The following PPP1CB variants were observed in gnomAD, a reference collection of about 807,000 sequenced individuals.
The protein encoded by PPP1CB is protein phosphatase 1 catalytic subunit beta.
A neutral mutation model predicts 43.7 loss-of-function variants in PPP1CB; 2 were observed. The ratio of observed to expected loss-of-function variants is 0.05; its 90% CI spans 0.02 to 0.14. The LOEUF (loss-of-function observed/expected upper bound fraction) is 0.14. PPP1CB is among the 10% of genes least tolerant of loss of function. PPP1CB has a pLI of 1.00. For missense variants in PPP1CB, 84 were observed against 398.0 expected (o/e 0.21, Z 6.71); for synonymous variants, 136 against 135.6 (o/e 1.00, Z -0.02).
intron 2 of PPP1CB, 103 bp downstream of exon 2, chr2:28,777,085 G>C (rs1457310199): frequency 9.9e-6 from 12 of 1,207,210 alleles, no homozygotes; most frequent in Non-Finnish European, 1.4e-5. Flanking sequence ...GTATAAAACA[G>C]ATCAGTAGGC....
At chr2:28,777,032 C>G (rs760381487) in intron 2 of PPP1CB, 50 bp downstream of exon 2, 11 of 1,579,664 alleles carry the variant, frequency 7.0e-6, no homozygotes, top group Non-Finnish European at 9.5e-6. Context: ...CATGTTTTTC[C>G]TCCCATGTTT....
At chr2:28,768,930 G>A (rs1475281178) in intron 1 of PPP1CB, among the ~76,000 whole-genome samples, 1 of 152,008 alleles carries the variant, frequency 6.6e-6, no homozygotes, top group Non-Finnish European at 1.5e-5. Context: ...CAGAAAGAGA[G>A]GAGATAGACA....
At chr2:28,788,521 G>C in intron 5 of PPP1CB, 137 bp from the exon 6 acceptor site, 1 of 908,296 alleles carries the variant, frequency 1.1e-6, no homozygotes, top group Non-Finnish European at 1.7e-6. Context: ...ACATAGGCTG[G>C]AATACTTAGG....
intron 4 of PPP1CB, chr2:28,782,787 T>C (rs930744369): frequency 6.6e-6 from 1 of 152,188 alleles, no homozygotes; most frequent in African/African-American, 2.4e-5. Context: ...TGTAAGAAAA[T>C]TAGTTTTTCA....
At chr2:28,776,233 T>G (rs994996251) in intron 1 of PPP1CB, among the ~76,000 whole-genome samples, 26 of 151,232 alleles carry the variant, frequency 1.7e-4, no homozygotes, top group Admixed American at 1.1e-3. Context: ...TTGTGTGTGT[T>G]TTTTTTGTTG....
intron 5 of PPP1CB, 125 bp downstream of exon 5, chr2:28,784,103 C>T: frequency 1.6e-6 from 1 of 623,120 alleles, no homozygotes; most frequent in Non-Finnish European, 2.7e-6. Flanking sequence ...AGTCAATAAG[C>T]CAGCTACAGA....
chr2:28,761,010 C>T (rs1418730037), intron 1 of PPP1CB, among the ~76,000 whole-genome samples: 1 of 152,176 alleles, frequency 6.6e-6, no homozygotes, highest in African/African-American at 2.4e-5. Flanking sequence ...TAGCGATTCT[C>T]CTGCCTCAGC....
At chr2:28,784,123 T>C in intron 5 of PPP1CB, 145 bp downstream of exon 5, 1 of 560,148 alleles carries the variant, frequency 1.8e-6, no homozygotes, top group Non-Finnish European at 3.1e-6. Flanking sequence ...ATTACTTTAT[T>C]TGCAGTAATA....
intron 1 of PPP1CB, among the ~76,000 whole-genome samples, chr2:28,776,179 T>G (rs1332023413): frequency 1.3e-5 from 2 of 151,690 alleles, no homozygotes; most frequent in Non-Finnish European, 2.9e-5. Flanking sequence ...AGATGCGAGA[T>G]AAGCAGGCCA....
rs565125140 is a variant in PPP1CB, at chr2:28,769,749, A to G, written c.53-7102A>G. Among the ~76,000 whole-genome samples, 4 of 152,256 alleles carry G rather than the reference A, an allele frequency of 2.6e-5. No individual in the cohort carries two copies. The East Asian group carries it at 7.7e-4, about 29-fold the overall frequency. ...GAACAAAAGGCTGGAGGCGGGTGGT[A>G]ATCAGTCAAAAGTGTATTTGTAATC... On this transcript the variant is annotated intron_variant, in intron 1 of 7. Coordinates refer to ENST00000395366, the MANE Select transcript of PPP1CB (RefSeq NM_002709.3).
intron 1 of PPP1CB, among the ~76,000 whole-genome samples, chr2:28,767,427 C>T (rs1666803472): frequency 6.6e-6 from 1 of 152,112 alleles, no homozygotes. Context: ...ACATAATCCA[C>T]ACTTTATTGT....
chr2:28,788,873 G>T, intron 6 of PPP1CB, 64 bp downstream of exon 6: 1 of 1,435,144 alleles, frequency 7.0e-7, no homozygotes, highest in African/African-American at 1.4e-5. Flanking sequence ...GCAGACGGAG[G>T]GGCAGACAGA....
chr2:28,756,825 T>C (rs1196639517), intron 1 of PPP1CB, among the ~76,000 whole-genome samples: 1 of 152,146 alleles, frequency 6.6e-6, no homozygotes, highest in East Asian at 1.9e-4. Context: ...AATGAATGGA[T>C]TTGAAAAATG....
At chr2:28,798,025 C>T (rs1369755678) in intron 7 of PPP1CB, among the ~76,000 whole-genome samples, 3 of 152,098 alleles carry the variant, frequency 2.0e-5, no homozygotes, top group Admixed American at 6.6e-5. Flanking sequence ...TGCTCATTTA[C>T]AAATTAAATA....
chr2:28,774,947 A>G (rs1373701303), intron 1 of PPP1CB, among the ~76,000 whole-genome samples: 2 of 152,116 alleles, frequency 1.3e-5, no homozygotes, highest in Non-Finnish European at 2.9e-5. Context: ...GCTAAAGCAC[A>G]TTTGAATGTT....
At chr2:28,768,688 C>A (rs987144788) in intron 1 of PPP1CB, among the ~76,000 whole-genome samples, 2 of 152,174 alleles carry the variant, frequency 1.3e-5, no homozygotes, top group East Asian at 1.9e-4. Flanking sequence ...AAACAGCCTT[C>A]TTTGGAGAAA....
intron 3 of PPP1CB, among the ~76,000 whole-genome samples, chr2:28,779,565 T>C (rs1197854765): frequency 1.3e-5 from 2 of 152,222 alleles, no homozygotes; most frequent in Non-Finnish European, 2.9e-5. Flanking sequence ...AATCAACGAT[T>C]TGGTATTGTA....
chr2:28,769,968 T>C (rs1666867870), intron 1 of PPP1CB, among the ~76,000 whole-genome samples: 1 of 152,040 alleles, frequency 6.6e-6, no homozygotes. Context: ...TTATATTAAA[T>C]GTAAAAGGAG....
At chr2:28,798,307 G>A (rs947468218) in intron 7 of PPP1CB, among the ~76,000 whole-genome samples, 1 of 152,092 alleles carries the variant, frequency 6.6e-6, no homozygotes, top group Non-Finnish European at 1.5e-5. Flanking sequence ...TACATTAATG[G>A]TGGGAATAGA....
Sources: allele counts gnomAD v4.1 joint callset (sites outside exome capture counted in the v4.1 genomes callset), GRCh38; gene constraint gnomAD v4.1.1; transcripts MANE v1.5; gene names NCBI Gene and HGNC (gene_info 2026-07-23, HGNC 2026-07-21).